The following INO80 variants were observed in gnomAD, a reference collection of about 807,000 sequenced individuals.
INO80 encodes the protein INO80 complex ATPase subunit, also known as chromatin-remodeling ATPase INO80.
Under a neutral mutation model 203.4 loss-of-function variants are expected in INO80, and 20 were observed. The ratio of observed to expected loss-of-function variants is 0.10; its 90% CI spans 0.07 to 0.14. INO80 has a LOEUF of 0.14. Ranked by LOEUF, INO80 falls within the 10% of genes least tolerant of loss-of-function variation. The pLI is 1.00. For missense variants in INO80, 1,419 were observed against 1,914.4 expected, an observed-to-expected ratio of 0.74 and a Z score of 4.83; for synonymous variants, 726 against 685.2, an observed-to-expected ratio of 1.06 and a Z score of -0.93.
At chr15:41,024,018 T>C (rs2044339014) in intron 25 of INO80, among the ~76,000 whole-genome samples, 1 of 151,846 alleles carries the variant, frequency 6.6e-6, no homozygotes, top group African/African-American at 2.4e-5. Context: ...GGAAAAATGG[T>C]TTTTCTGCCT....
chr15:41,066,682 TAGC>T (rs1383334602), intron 14 of INO80, among the ~76,000 whole-genome samples: 4 of 151,160 alleles, frequency 2.6e-5, no homozygotes, highest in African/African-American at 9.7e-5. Context: ...AAAAAAAAAT[TAGC>T]AGGGTGTGGC....
At chr15:41,078,249 A>G (rs2045434888) in intron 9 of INO80, among the ~76,000 whole-genome samples, 1 of 152,180 alleles carries the variant, frequency 6.6e-6, no homozygotes, top group South Asian at 2.1e-4. Context: ...GATTAAATGA[A>G]CGAAGTAGAT....
chr15:41,111,899 A>G (rs2045964511), intron 1 of INO80, among the ~76,000 whole-genome samples: 1 of 151,994 alleles, frequency 6.6e-6, no homozygotes, highest in Non-Finnish European at 1.5e-5. Context: ...TCCAAGATAC[A>G]TTAAAAAATG....
intron 5 of INO80, among the ~76,000 whole-genome samples, chr15:41,088,504 C>A (rs897321935): frequency 1.5e-4 from 23 of 152,172 alleles, no homozygotes; most frequent in Non-Finnish European, 2.8e-4. Flanking sequence ...TCATCTCCCA[C>A]TAAGACAGTC....
intron 1 of INO80, among the ~76,000 whole-genome samples, chr15:41,109,715 T>G (rs1459753343): frequency 6.6e-6 from 1 of 151,730 alleles, no homozygotes; most frequent in Non-Finnish European, 1.5e-5. Context: ...ATGGATCACC[T>G]GAGGTCAGGA....
chr15:41,087,274 CT>C (rs1314037985), intron 6 of INO80, among the ~76,000 whole-genome samples: 2 of 152,106 alleles, frequency 1.3e-5, no homozygotes, highest in African/African-American at 4.8e-5. Flanking sequence ...CCAGAGATGA[CT>C]TAAAGTATAC....
intron 30 of INO80, among the ~76,000 whole-genome samples, chr15:40,987,529 C>T (rs2043754910): frequency 6.6e-6 from 1 of 152,182 alleles, no homozygotes; most frequent in Non-Finnish European, 1.5e-5. Context: ...AAATGTCCAT[C>T]CTTCTTCCAC....
rs1417917232 is a variant in INO80 at position 41,054,026 on chromosome 15, G to T, written c.2189-12C>A. 2 of 1,607,906 alleles carry T rather than the reference G, an allele frequency of 1.2e-6. No homozygotes were observed. Among genetic ancestry groups the T allele is most frequent in the South Asian group, 1.1e-5 (1 of 90,876 alleles). The stretch of plus-strand genomic sequence containing the variant: ...GCGAGAAAGTTGATCTGAAATGCCG[G>T]GAGGCCCCCAAATAATACATTATAG... On this transcript the variant is annotated splice_polypyrimidine_tract_variant and intron_variant, in intron 18 of 35. Coordinates refer to ENST00000648947, the MANE Select transcript of INO80 (RefSeq NM_017553.3).
At chr15:41,009,429 G>C (rs1226235349) in intron 27 of INO80, among the ~76,000 whole-genome samples, 1 of 126,082 alleles carries the variant, frequency 7.9e-6, no homozygotes, top group Non-Finnish European at 1.6e-5. Flanking sequence ...TCCCCTTCCT[G>C]TGTCCATGTG....
At chr15:41,080,089 T>C (rs1429931204) in intron 8 of INO80, among the ~76,000 whole-genome samples, 185 bp from the exon 9 acceptor site, 1 of 152,154 alleles carries the variant, frequency 6.6e-6, no homozygotes, top group Admixed American at 6.6e-5. Flanking sequence ...CCTGTGGTAT[T>C]ATCAGGGATA....
At chr15:40,989,155 G>A (rs1230900124) in intron 29 of INO80, among the ~76,000 whole-genome samples, 1 of 152,176 alleles carries the variant, frequency 6.6e-6, no homozygotes, top group Non-Finnish European at 1.5e-5. Context: ...CTCCAGCCTG[G>A]GCAACAAGAG....
intron 1 of INO80, among the ~76,000 whole-genome samples, chr15:41,100,230 A>G (rs531962259): frequency 5.3e-5 from 8 of 152,040 alleles, no homozygotes; most frequent in Admixed American, 5.2e-4. Context: ...GCCTGCCACC[A>G]CGCCAGGCTA....
At chr15:41,088,142 G>A (rs1780151871) in intron 5 of INO80, among the ~76,000 whole-genome samples, 2 of 143,756 alleles carry the variant, frequency 1.4e-5, no homozygotes, top group South Asian at 2.2e-4. Context: ...CCAGGCTGGA[G>A]TGCAGCGGCA....
At chr15:41,095,173 T>C (rs2045703780) in intron 4 of INO80, among the ~76,000 whole-genome samples, 1 of 152,128 alleles carries the variant, frequency 6.6e-6, no homozygotes, top group Admixed American at 6.6e-5. Flanking sequence ...ACCCCATTTC[T>C]ACTAAAAATA....
chr15:41,049,249 A>G, intron 21 of INO80, 38 bp downstream of exon 21: 1 of 1,537,652 alleles, frequency 6.5e-7, no homozygotes, highest in Non-Finnish European at 8.8e-7. Context: ...TGTAAATTAT[A>G]AAACACTAAT....
chr15:41,049,526 C>A, intron 20 of INO80, 106 bp from the exon 21 acceptor site: 2 of 1,030,398 alleles, frequency 1.9e-6, no homozygotes, highest in Non-Finnish European at 2.9e-6. Context: ...TGGATACTTT[C>A]CCATTTTCAT....
At position 40,980,447 on chromosome 15, in the gene INO80, G is replaced by A. The variant is rs573271387; in HGVS notation, c.4454-7C>T. The A allele has an allele frequency of 9.5e-5, 153 of 1,608,490 alleles. No homozygotes were observed. Among genetic ancestry groups the A allele is most frequent in the Middle Eastern group, 4.0e-4 (2 of 4,980 alleles). On this transcript the variant is annotated splice_region_variant and splice_polypyrimidine_tract_variant and intron_variant, in intron 35 of 35. Transcript: ENST00000648947. Reference sequence around the variant, plus strand: ...GGACTGCTGGCGGAGATTCCTGTGGGGACGGAGAGAGACAAGAACGTAAGC... The same window carrying A: ...GGACTGCTGGCGGAGATTCCTGTGGAGACGGAGAGAGACAAGAACGTAAGC...
intron 1 of INO80, among the ~76,000 whole-genome samples, chr15:41,106,083 C>A (rs2045876216): frequency 6.6e-6 from 1 of 151,918 alleles, no homozygotes; most frequent in African/African-American, 2.4e-5. Context: ...CATAGGGAGA[C>A]CCACCTCTCT....
intron 30 of INO80, 78 bp from the exon 31 acceptor site, chr15:40,987,271 G>T: frequency 1.2e-6 from 1 of 857,014 alleles, no homozygotes; most frequent in Non-Finnish European, 1.9e-6. Flanking sequence ...GATACACATC[G>T]TTCTCAACCC....
Sources: gnomAD v4.1 joint callset for allele counts (sites outside exome capture counted in the v4.1 genomes callset) on GRCh38, gnomAD v4.1.1 for gene constraint, MANE v1.5 for transcripts, NCBI Gene and HGNC (gene_info 2026-07-23, HGNC 2026-07-21) for gene names.